The following KCMF1 variants were observed in gnomAD, a reference collection of about 807,000 sequenced individuals.
KCMF1 encodes the protein potassium channel modulatory factor 1.
Under a neutral mutation model 41.1 loss-of-function variants are expected in KCMF1, and 3 were observed. The observed-to-expected ratio is 0.07, with a 90% CI of 0.03 to 0.19. The LOEUF (loss-of-function observed/expected upper bound fraction) is 0.19. Ranked by LOEUF, KCMF1 falls within the 10% of genes least tolerant of loss-of-function variation. The pLI is 1.00. For synonymous variants in KCMF1, 142 were observed against 164.5 expected (o/e 0.86, Z 1.04); for missense variants, 286 against 488.9 (o/e 0.58, Z 3.91).
chr2:85,000,351 C>G (rs1027775403), intron 1 of KCMF1, among the ~76,000 whole-genome samples: 2 of 152,164 alleles, frequency 1.3e-5, no homozygotes, highest in African/African-American at 4.8e-5. Context: ...TCTCGATCTC[C>G]TGACCTCGTG....
intron 6 of KCMF1, 84 bp from the exon 7 acceptor site, chr2:85,053,064 A>G: frequency 1.6e-6 from 2 of 1,279,582 alleles, no homozygotes; most frequent in Non-Finnish European, 2.1e-6. Flanking sequence ...GTAAAACTTC[A>G]CAGTGGAGAG....
chr2:85,046,098 G>T lies in KCMF1; in HGVS notation c.427-6G>T, dbSNP rs550123354. The T allele has an allele frequency of 9.4e-6, 15 of 1,599,680 alleles. No individual in the cohort carries two copies. The highest frequency in any genetic ancestry group is 1.3e-5 in the Non-Finnish European group (15 of 1,173,366). Reference sequence around the variant, plus strand: ...ACTTTCGTTTTTTTCTTAACTTTTGGGTTATGATGAATCGAGTGGTGTTCG... The same window carrying T: ...ACTTTCGTTTTTTTCTTAACTTTTGTGTTATGATGAATCGAGTGGTGTTCG... On this transcript the variant is annotated splice_region_variant and splice_polypyrimidine_tract_variant and intron_variant, in intron 4 of 6. Coordinates refer to ENST00000409785, the MANE Select transcript of KCMF1 (RefSeq NM_020122.5).
At chr2:85,003,062 T>C (rs899750974) in intron 1 of KCMF1, among the ~76,000 whole-genome samples, 4 of 152,228 alleles carry the variant, frequency 2.6e-5, no homozygotes, top group East Asian at 3.8e-4. Flanking sequence ...TTTTAGCAAC[T>C]GCATCTCATC....
At position 85,053,284 on chromosome 2, in the gene KCMF1, C is replaced by T. The variant is rs772978991; in HGVS notation, c.1021C>T (p.Arg341Trp). Residue 341 changes from arginine (R) to tryptophan (W), a missense_variant, in exon 7 of 7, where the codon CGG (arginine) becomes TGG (tryptophan). Around this residue, in one of 2 missense-constraint regions of KCMF1, gnomAD observed 191 missense variants for 279.3 expected, o/e 0.68. Transcript: ENST00000409785. ...EESSSSDEDD[R>W]GEMADFGAMG... ...GAGCTCATCCTCAGATGAGGATGAT[C>T]GGGGGGAGATGGCAGATTTTGGTGC... 12 of 1,613,692 alleles carry T rather than the reference C, an allele frequency of 7.4e-6. No homozygotes were observed. Among genetic ancestry groups the T allele is most frequent in the African/African-American group, 2.7e-5 (2 of 74,852 alleles).
chr2:85,049,638 C>T lies in KCMF1; in HGVS notation c.874C>T (p.Leu292Phe). The change falls in exon 6 of 7, where the codon CTT becomes TTT. Residue 292 changes from leucine to phenylalanine, a missense_variant. By Grantham distance (22) the Leu-to-Phe change is conservative. Around this residue, in one of 2 missense-constraint regions of KCMF1, gnomAD observed 191 missense variants for 279.3 expected, o/e 0.68. Transcript: ENST00000409785. Reference protein sequence around the residue: ...SQQTLQNSQFLLTRLNDPKMS... With the variant: ...SQQTLQNSQFFLTRLNDPKMS... ...GCAGACTCTACAGAATTCCCAGTTT[C>T]TTTTAACAAGGTAGCTCATTTGTTA... 1 of 1,611,326 alleles carries T rather than the reference C, an allele frequency of 6.2e-7. No homozygotes were observed. Among genetic ancestry groups the T allele is most frequent in the Non-Finnish European group, 8.5e-7 (1 of 1,177,874 alleles).
At chr2:85,049,136 C>G (rs755116134) in intron 5 of KCMF1, among the ~76,000 whole-genome samples, 2 of 152,230 alleles carry the variant, frequency 1.3e-5, no homozygotes, top group Non-Finnish European at 2.9e-5. Context: ...AGTTTTACTT[C>G]AAACATAATT....
chr2:85,019,816 A>G (rs1674886748), intron 1 of KCMF1, among the ~76,000 whole-genome samples: 1 of 151,234 alleles, frequency 6.6e-6, no homozygotes, highest in Non-Finnish European at 1.5e-5. Context: ...ATATATACAT[A>G]CGTATATATA....
intron 1 of KCMF1, among the ~76,000 whole-genome samples, chr2:85,005,258 C>T (rs571788605): frequency 2.0e-5 from 3 of 150,832 alleles, no homozygotes; most frequent in South Asian, 2.1e-4. Context: ...TTCTAGGGTA[C>T]GTACATGGTG....
At chr2:85,006,449 C>G (rs368850753) in intron 1 of KCMF1, among the ~76,000 whole-genome samples, 3 of 151,444 alleles carry the variant, frequency 2.0e-5, no homozygotes, top group Admixed American at 1.3e-4. Flanking sequence ...TACAGGCGCC[C>G]GCCACCATGC....
In KCMF1 at chr2:85,049,587, A is replaced by G. The variant is rs1354003059; in HGVS notation, c.823A>G (p.Asn275Asp). ...AATCACACAATCCACAGCAACAACC[A>G]ACATAGCTAATACAGAAAGCAGTCA... ...TTITQSTATTNIANTESSQQT... is the reference protein window; with the variant it reads ...TTITQSTATTDIANTESSQQT... The change falls in exon 6 of 7, where the codon AAC becomes GAC. Residue 275 changes from asparagine to aspartate, a missense_variant. By Grantham distance (23) the Asn-to-Asp change is conservative. This residue lies in a region of KCMF1 where 191 missense variants were observed against 279.3 expected (regional missense o/e 0.68). Coordinates refer to ENST00000409785, the MANE Select transcript of KCMF1 (RefSeq NM_020122.5). 6.2e-7 allele frequency: 1 copy of G among 1,613,976 alleles called. No individual in the cohort carries two copies. The highest frequency in any genetic ancestry group is 8.5e-7 in the Non-Finnish European group (1 of 1,179,860).
intron 5 of KCMF1, among the ~76,000 whole-genome samples, chr2:85,048,602 G>C (rs997438047): frequency 2.0e-5 from 3 of 152,152 alleles, no homozygotes; most frequent in Non-Finnish European, 4.4e-5. Context: ...CTTGGAAGAA[G>C]GCATTTCACT....
chr2:84,975,367 G>T (rs1673519187), intron 1 of KCMF1, among the ~76,000 whole-genome samples: 1 of 152,188 alleles, frequency 6.6e-6, no homozygotes, highest in Admixed American at 6.5e-5. Flanking sequence ...AAGGGGCCCA[G>T]TCAGCTTGGG....
chr2:84,975,772 G>A (rs1243220963), intron 1 of KCMF1, among the ~76,000 whole-genome samples: 1 of 152,156 alleles, frequency 6.6e-6, no homozygotes, highest in Non-Finnish European at 1.5e-5. Context: ...ATGTAAGTAT[G>A]TTATTCAGAG....
intron 2 of KCMF1, among the ~76,000 whole-genome samples, chr2:85,030,640 C>T (rs1032831439): frequency 6.6e-6 from 1 of 152,156 alleles, no homozygotes; most frequent in Non-Finnish European, 1.5e-5. Context: ...AATAGGTTGA[C>T]TATAAATGAG....
chr2:84,993,902 TTTTTGTTTTGTTTTG>T (rs199701778), intron 1 of KCMF1, among the ~76,000 whole-genome samples: 6,496 of 135,338 alleles, frequency 0.048, 277 homozygotes, highest in African/African-American at 0.11. Flanking sequence ...GTTTGAACAT[TTTTTGTTTTGTTTTG>T]TTTTGTTTTG....
At chr2:84,992,626 T>TTTTTTTG (rs1458119635) in intron 1 of KCMF1, among the ~76,000 whole-genome samples, 5 of 151,990 alleles carry the variant, frequency 3.3e-5, no homozygotes, top group East Asian at 1.9e-4. Flanking sequence ...ATATGTGGTT[T>TTTTTTTG]TTTTTTGTTT....
intron 6 of KCMF1, among the ~76,000 whole-genome samples, chr2:85,051,110 T>C (rs1374922837): frequency 1.3e-5 from 2 of 152,246 alleles, no homozygotes; most frequent in South Asian, 4.1e-4. Flanking sequence ...ACATTTGTTA[T>C]GAAACCAAGA....
intron 4 of KCMF1, 23 bp from the exon 5 acceptor site, chr2:85,046,079 GTT>G: frequency 6.3e-7 from 1 of 1,577,494 alleles, no homozygotes; most frequent in Non-Finnish European, 8.6e-7. Context: ...AAATACTTTC[GTT>G]TTTTTCTTAA....
chr2:84,990,538 G>A (rs1674017452), intron 1 of KCMF1, among the ~76,000 whole-genome samples: 1 of 152,090 alleles, frequency 6.6e-6, no homozygotes, highest in Non-Finnish European at 1.5e-5. Context: ...AAGGATTGCA[G>A]TGACTCACTC....
Sources: gnomAD v4.1 joint callset for allele counts (sites outside exome capture counted in the v4.1 genomes callset) on GRCh38, gnomAD v4.1.1 for gene constraint, gnomAD v4.1.1 regional missense constraint, MANE v1.5 for transcripts, NCBI Gene and HGNC (gene_info 2026-07-23, HGNC 2026-07-21) for gene names.